Variants in NIBAN1 observed in about 807,000 individuals in gnomAD.
The protein encoded by NIBAN1 is niban apoptosis regulator 1.
A neutral mutation model predicts 75.1 loss-of-function variants in NIBAN1; 81 were observed. The ratio of observed to expected loss-of-function variants is 1.08; its 90% confidence interval spans 0.90 to 1.30. The LOEUF is 1.30. Among genes scored for constraint, NIBAN1 ranks in the 50% most tolerant of loss-of-function variants. NIBAN1 has a pLI of 0.00. For synonymous variants in NIBAN1, 436 were observed against 424.8 expected, an observed-to-expected ratio of 1.03 and a Z score of -0.32; for missense variants, 1,133 against 1,128.1, an observed-to-expected ratio of 1.00 and a Z score of -0.06.
chr1:184,795,007 C>T lies in NIBAN1; in HGVS notation c.2757G>A (p.Glu919=), dbSNP rs1430917127. ...CCTCTGAGGGCAGCTCTGGGAAACT[C>T]TCCTGACCACCTTCTCCCTCCTTCA... ...DDVKEGEGGQ[E]SFPELPSEE Residue 919 remains glutamate, a synonymous_variant, in exon 14 of 14, where the codon GAG becomes GAA. Transcript: ENST00000367511. 6.2e-7 allele frequency: 1 copy of T among 1,612,360 alleles called. No homozygotes were observed. The highest frequency in any genetic ancestry group is 2.2e-5 in the East Asian group (1 of 44,886).
intron 4 of NIBAN1, among the ~76,000 whole-genome samples, chr1:184,885,169 C>A (rs1331306517): frequency 6.6e-6 from 1 of 152,210 alleles, no homozygotes; most frequent in Non-Finnish European, 1.5e-5. Context: ...CTGCCTCAGC[C>A]TCCTGAGTAG....
rs1653689915 is a variant in NIBAN1 at position 184,791,290 on chromosome 1, T to C, written c.*3687A>G. ...CAATGATGTCCTTCCCTTCTTCACATCAAAATTGCTATGAATCACATATCA... is the reference window on the plus strand; with the variant it reads ...CAATGATGTCCTTCCCTTCTTCACACCAAAATTGCTATGAATCACATATCA... On this transcript the variant is annotated 3_prime_UTR_variant, in exon 14 of 14. Coordinates refer to ENST00000367511, the MANE Select transcript of NIBAN1 (RefSeq NM_052966.4). 1 of 219,756 alleles carries C rather than the reference T, an allele frequency of 4.6e-6. No homozygotes were observed. Among genetic ancestry groups the C allele is most frequent in the African/African-American group, 2.3e-5 (1 of 42,918 alleles). 13.6% of individuals were successfully genotyped at this position (219,756 alleles called of 1,614,324 possible). A position where few individuals can be genotyped will look rare whatever the true frequency, so the allele number is the denominator to read the frequency against.
rs1311736124 is a variant in NIBAN1, at chr1:184,793,558, A to G, written c.*1419T>C. ...GCGACAGAGTGAGACTCCATCTCAA[A>G]AAAATAGAATAAAATAAAATAAAAA... On this transcript the variant is annotated 3_prime_UTR_variant, in exon 14 of 14. Coordinates refer to ENST00000367511, the MANE Select transcript of NIBAN1 (RefSeq NM_052966.4). The G allele has an allele frequency of 6.6e-6, 1 of 152,224 alleles. No individual in the cohort carries two copies. The highest frequency in any genetic ancestry group is 1.5e-5 in the Non-Finnish European group (1 of 68,054). The allele number at this position is 152,224 out of a possible 1,614,324, so 9.4% of individuals were successfully genotyped here. A position where few individuals can be genotyped will look rare whatever the true frequency, so the allele number is the denominator to read the frequency against.
intron 4 of NIBAN1, among the ~76,000 whole-genome samples, chr1:184,887,483 C>T (rs1422842264): frequency 6.6e-6 from 1 of 152,118 alleles, no homozygotes; most frequent in Non-Finnish European, 1.5e-5. Context: ...AAGATCTGTC[C>T]AGTAAGATAT....
rs370624947 is a variant in NIBAN1, at chr1:184,811,784, G to T, written c.1174-3549C>A. Among the ~76,000 whole-genome samples the T allele has an allele frequency of 2.6e-5, 4 of 152,214 alleles. No homozygotes were observed. The South Asian group carries it at 6.2e-4, about 24-fold the overall frequency. ...CAGGATTACAGGCCTGAGCCACTGC[G>T]CCCGGCTGCATTGAAGTACATTTTT... On this transcript the variant is annotated intron_variant, in intron 9 of 13. Coordinates refer to ENST00000367511, the MANE Select transcript of NIBAN1 (RefSeq NM_052966.4).
At chr1:184,902,939 T>A (rs1167143985) in intron 1 of NIBAN1, among the ~76,000 whole-genome samples, 1 of 152,246 alleles carries the variant, frequency 6.6e-6, no homozygotes, top group Non-Finnish European at 1.5e-5. Flanking sequence ...CACATATTAG[T>A]TGATCAATCA....
chr1:184,966,813 G>A (rs959760268), intron 1 of NIBAN1, among the ~76,000 whole-genome samples: 74 of 152,268 alleles, frequency 4.9e-4, no homozygotes, highest in African/African-American at 1.8e-3. Context: ...GTTTGGCATA[G>A]AGACATTTAC....
chr1:184,837,571 T>A (rs1655173047), intron 5 of NIBAN1, among the ~76,000 whole-genome samples: 1 of 151,980 alleles, frequency 6.6e-6, no homozygotes, highest in African/African-American at 2.4e-5. Flanking sequence ...GGAAGTGATC[T>A]TAAAGGTCAC....
chr1:184,819,756 G>A (rs1234558052), intron 8 of NIBAN1, among the ~76,000 whole-genome samples: 1 of 152,138 alleles, frequency 6.6e-6, no homozygotes, highest in Non-Finnish European at 1.5e-5. Flanking sequence ...AAGTGGAGCT[G>A]GTATCCAATC....
At chr1:184,923,212 T>C (rs981731986) in intron 1 of NIBAN1, among the ~76,000 whole-genome samples, 7 of 152,216 alleles carry the variant, frequency 4.6e-5, no homozygotes, top group Admixed American at 3.3e-4. Context: ...TAGATTTAAG[T>C]CTTTAATCTA....
chr1:184,881,560 C>T (rs866080567), intron 5 of NIBAN1, among the ~76,000 whole-genome samples: 30 of 152,092 alleles, frequency 2.0e-4, no homozygotes, highest in East Asian at 5.8e-4. Context: ...GAATTCAGGG[C>T]GAGTGCACAG....
rs116348165 is a variant in NIBAN1, at chr1:184,950,227, T to A, written c.55+24075A>T. 1.5e-3 allele frequency among the ~76,000 whole-genome samples: 221 copies of A among 152,292 alleles called. 2 individuals are homozygous for A. Among genetic ancestry groups the A allele is most frequent in the African/African-American group, 5.2e-3 (217 of 41,552 alleles). ...TGAGATAATATAATGGTCTCTATTA[T>A]CTTAACGATGAACAAGGAATCTGAG... On this transcript the variant is annotated intron_variant, in intron 1 of 13. Coordinates refer to ENST00000367511, the MANE Select transcript of NIBAN1 (RefSeq NM_052966.4).
chr1:184,962,395 C>T (rs563972483), intron 1 of NIBAN1, among the ~76,000 whole-genome samples: 20 of 151,920 alleles, frequency 1.3e-4, no homozygotes, highest in Non-Finnish European at 2.9e-4. Context: ...CCTTTGAGAA[C>T]CATGATTCTC....
intron 11 of NIBAN1, among the ~76,000 whole-genome samples, chr1:184,805,669 A>G (rs1271050029): frequency 2.6e-5 from 4 of 152,134 alleles, no homozygotes; most frequent in Non-Finnish European, 1.5e-5. Context: ...TGGACAGCTA[A>G]TACGTGTTTG....
chr1:184,896,816 T>G (rs1442964559), intron 2 of NIBAN1, among the ~76,000 whole-genome samples: 6 of 152,150 alleles, frequency 3.9e-5, no homozygotes, highest in Non-Finnish European at 7.4e-5. Flanking sequence ...TCTTCATTAT[T>G]TATTTTTGTT....
At chr1:184,860,111 A>T (rs142153491) in intron 5 of NIBAN1, among the ~76,000 whole-genome samples, 1 of 152,168 alleles carries the variant, frequency 6.6e-6, no homozygotes, top group African/African-American at 2.4e-5. Context: ...GCTGAAAATG[A>T]ACCAGAGAAC....
chr1:184,795,244 C>T lies in NIBAN1; in HGVS notation c.2520G>A (p.Gln840=). 2.5e-6 allele frequency: 4 copies of T among 1,613,692 alleles called. No individual in the cohort carries two copies. Among genetic ancestry groups the T allele is most frequent in the East Asian group, 2.2e-5 (1 of 44,884 alleles). ...CAGAACCTAAGGTGCAGCCCTCTTG[C>T]TGTGAGGCATCCCCTTCCTCGGTAC... ...GKCTEEGDAS[Q]QEGCTLGSDP... is the part of the protein sequence containing the mutation. Residue 840 remains glutamine (Q), a synonymous_variant, in exon 14 of 14, where the codon CAG becomes CAA. Transcript: ENST00000367511.
chr1:184,957,329 G>A (rs752235402), intron 1 of NIBAN1, among the ~76,000 whole-genome samples: 3 of 152,142 alleles, frequency 2.0e-5, no homozygotes, highest in East Asian at 3.8e-4. Context: ...CCCTGCGTCC[G>A]ACTCTTTCAT....
chr1:184,799,146 C>T (rs1653959423), intron 12 of NIBAN1, among the ~76,000 whole-genome samples: 2 of 152,104 alleles, frequency 1.3e-5, no homozygotes, highest in South Asian at 4.1e-4. Flanking sequence ...CACCCACTTA[C>T]TCGTCATCTA....
Sources: gnomAD v4.1 joint callset for allele counts (sites outside exome capture counted in the v4.1 genomes callset) on GRCh38, gnomAD v4.1.1 for gene constraint, MANE v1.5 for transcripts, NCBI Gene and HGNC (gene_info 2026-07-23, HGNC 2026-07-21) for gene names.